EXD3: variants seen among roughly 807,000 people sequenced by gnomAD.
EXD3 encodes the protein exonuclease mut-7 homolog.
Under a neutral mutation model 98.0 loss-of-function variants are expected in EXD3, and 92 were observed. The observed-to-expected ratio is 0.94, with a 90% confidence interval of 0.79 to 1.12. The LOEUF is 1.12. Among genes scored for constraint, EXD3 ranks in the 50% most tolerant of loss-of-function variants. The pLI is 0.00. For synonymous variants in EXD3, 569 were observed against 526.0 expected (o/e 1.08, Z -1.12); for missense variants, 1,222 against 1,191.6 (o/e 1.03, Z -0.38).
chr9:137,355,693 G>GGAGGAA (rs1564509196), intron 8 of EXD3, among the ~76,000 whole-genome samples: 4 of 40,538 alleles, frequency 9.9e-5, no homozygotes, highest in Non-Finnish European at 1.3e-4. Context: ...GAAGGAGAAA[G>GGAGGAA]GGAGGAAGGA....
At chr9:137,396,232 T>A (rs1264629302) in intron 1 of EXD3, among the ~76,000 whole-genome samples, 2 of 152,110 alleles carry the variant, frequency 1.3e-5, no homozygotes, top group African/African-American at 4.8e-5. Flanking sequence ...CCTCCCAAAG[T>A]GCTGGGACTA....
intron 9 of EXD3, 100 bp from the exon 10 acceptor site, chr9:137,354,477 G>T: frequency 6.4e-7 from 1 of 1,574,470 alleles, no homozygotes. Context: ...GTACATCCTT[G>T]GCAGAGCCCA....
intron 17 of EXD3, among the ~76,000 whole-genome samples, chr9:137,345,525 A>T: frequency 6.6e-6 from 1 of 151,998 alleles, no homozygotes; most frequent in East Asian, 1.9e-4. Context: ...AGTTGGGTGT[A>T]GTGGCGAGCA....
chr9:137,373,170 A>G, intron 4 of EXD3, 98 bp from the exon 5 acceptor site: 1 of 1,398,466 alleles, frequency 7.2e-7, no homozygotes. Context: ...AGCGCCTGCC[A>G]CTGTGGCCAT....
intron 2 of EXD3, among the ~76,000 whole-genome samples, chr9:137,384,686 A>G (rs1185489716): frequency 6.6e-6 from 1 of 152,270 alleles, no homozygotes; most frequent in African/African-American, 2.4e-5. Flanking sequence ...TGGGTTCGGC[A>G]TCAATGCTCA....
At chr9:137,337,875 C>T (rs1434066488) in intron 17 of EXD3, among the ~76,000 whole-genome samples, 1 of 151,800 alleles carries the variant, frequency 6.6e-6, no homozygotes, top group Admixed American at 6.6e-5. Context: ...GCAAGCTCCA[C>T]CTCCCGGGTT....
In EXD3 at chr9:137,341,695, G is replaced by A. The variant is rs1389322230; in HGVS notation, c.1998+6376C>T. On this transcript the variant is annotated intron_variant, in intron 17 of 21. Coordinates refer to ENST00000340951, the MANE Select transcript of EXD3 (RefSeq NM_017820.5). ...AAACGGGGCTCAGGCACCAGGAGCC[G>A]TCTCCCAGGAGTCAGAGGAAACGGG... 7.6e-4 allele frequency among the ~76,000 whole-genome samples: 37 copies of A among 48,484 alleles called. 1 individual carries two copies. The South Asian group carries it at 8.2e-3, about 11-fold the overall frequency. 31.8% of individuals were successfully genotyped at this position (48,484 alleles called of 152,430 possible). A position where few individuals can be genotyped will look rare whatever the true frequency, so the allele number is the denominator to read the frequency against.
rs1157272015 is a variant in EXD3 at position 137,395,632 on chromosome 9, C to T, written c.-47-228G>A. Among the ~76,000 whole-genome samples, 1 of 150,574 alleles carries T rather than the reference C, an allele frequency of 6.6e-6. No individual in the cohort carries two copies. The highest frequency in any genetic ancestry group is 1.5e-5 in the Non-Finnish European group (1 of 67,608). On this transcript the variant is annotated intron_variant, in intron 1 of 21. Transcript: ENST00000340951. The surrounding 1 kb of genome is among the most constrained non-coding windows in gnomAD (Gnocchi z 6.5). Reference sequence around the variant, plus strand: ...CCAGTTCCCTGCCAAACCGTCCCAGCTTTCAGCAGGGAGGGCAGGGGGTGG... The same window carrying T: ...CCAGTTCCCTGCCAAACCGTCCCAGTTTTCAGCAGGGAGGGCAGGGGGTGG...
At chr9:137,376,071 A>G (rs1042999213) in intron 3 of EXD3, among the ~76,000 whole-genome samples, 2 of 152,058 alleles carry the variant, frequency 1.3e-5, no homozygotes, top group Admixed American at 6.6e-5. Flanking sequence ...GTGGCCAGGC[A>G]CGGTGGCTCA....
At chr9:137,367,783 TA>T (rs1171559539) in intron 6 of EXD3, 152 bp downstream of exon 6, 4 of 671,874 alleles carry the variant, frequency 6.0e-6, no homozygotes, top group East Asian at 2.8e-5. Flanking sequence ...GATGGTGGTT[TA>T]GGGGGCTCTG....
chr9:137,356,252 TG>T lies in EXD3; in HGVS notation c.757+15del. On this transcript the variant is annotated intron_variant, in intron 8 of 21. Coordinates refer to ENST00000340951, the MANE Select transcript of EXD3 (RefSeq NM_017820.5). ...CTCCCTGGCCTGTGGGGCAGGAATGTGGGGGCTGGACTCACCTGGGGCTACG... is the reference window on the plus strand; with the variant it reads ...CTCCCTGGCCTGTGGGGCAGGAATGTGGGGCTGGACTCACCTGGGGCTACG... 2 of 1,578,050 alleles carry T rather than the reference TG, an allele frequency of 1.3e-6. No homozygotes were observed.
intron 7 of EXD3, chr9:137,365,868 TATAC>T: frequency 2.9e-6 from 1 of 341,556 alleles, no homozygotes; most frequent in South Asian, 2.1e-5. Context: ...CACACACAGA[TATAC>T]ATGCACACAC....
chr9:137,409,432 A>G (rs1837889383), intron 1 of EXD3, among the ~76,000 whole-genome samples: 1 of 152,190 alleles, frequency 6.6e-6, no homozygotes, highest in South Asian at 2.1e-4. Context: ...TTAACAGAAA[A>G]CTGGCCCGGC....
chr9:137,382,116 TGGAGGTGAGG>T (rs1564194752), intron 3 of EXD3, among the ~76,000 whole-genome samples: 13 of 25,106 alleles, frequency 5.2e-4, no homozygotes, highest in African/African-American at 1.4e-3. Flanking sequence ...AGGGCGGCGG[TGGAGGTGAGG>T]GCGCGGGGAG....
rs1374398024 is a variant in EXD3, at chr9:137,324,925, C to T, written c.1999-782G>A. On this transcript the variant is annotated intron_variant, in intron 17 of 21. Coordinates refer to ENST00000340951, the MANE Select transcript of EXD3 (RefSeq NM_017820.5). The surrounding 1 kb of genome is among the most constrained non-coding windows in gnomAD (Gnocchi z 4.1). ...GCCAGGATGGTCTCGATCTCCTGAC[C>T]TCGTGATCTGCCCGCCTCGGCCTCC... Among the ~76,000 whole-genome samples the T allele has an allele frequency of 6.6e-6, 1 of 152,140 alleles. No homozygotes were observed. The highest frequency in any genetic ancestry group is 1.5e-5 in the Non-Finnish European group (1 of 68,036).
At chr9:137,311,905 T>C (rs1831379985) in intron 19 of EXD3, among the ~76,000 whole-genome samples, 1 of 152,060 alleles carries the variant, frequency 6.6e-6, no homozygotes, top group Non-Finnish European at 1.5e-5. Context: ...CGTCTTGCCT[T>C]TGGACAGCGA....
At position 137,395,858 on chromosome 9, in the gene EXD3, C is replaced by T. The variant is rs535524250; in HGVS notation, c.-47-454G>A. Among the ~76,000 whole-genome samples, 3 of 152,270 alleles carry T rather than the reference C, an allele frequency of 2.0e-5. No individual in the cohort carries two copies. The highest frequency in any genetic ancestry group is 4.1e-4 in the South Asian group (2 of 4,830). On this transcript the variant is annotated intron_variant, in intron 1 of 21. Coordinates refer to ENST00000340951, the MANE Select transcript of EXD3 (RefSeq NM_017820.5). This position sits in a 1 kb window ranked among gnomAD's most constrained non-coding sequence, Gnocchi z 6.5. ...CAGGGACCTCGGAGTGACGCCCTCA[C>T]GGCTGACCCAGTACGCAGCTCCGTA... is the stretch of plus-strand genomic sequence containing the variant.
chr9:137,356,111 T>C (rs1439559445), intron 8 of EXD3, among the ~76,000 whole-genome samples, 157 bp downstream of exon 8: 2 of 152,200 alleles, frequency 1.3e-5, no homozygotes, highest in African/African-American at 4.8e-5. Flanking sequence ...ACAGCCACTC[T>C]GGCACGAGCT....
intron 2 of EXD3, chr9:137,391,882 C>G (rs1588411599): frequency 6.6e-6 from 1 of 152,252 alleles, no homozygotes; most frequent in Admixed American, 6.5e-5. Context: ...ATGACACAAC[C>G]TCGGATAACT....
Sources: gnomAD v4.1 joint callset for allele counts (sites outside exome capture counted in the v4.1 genomes callset) on GRCh38, gnomAD v4.1.1 for gene constraint, Gnocchi (gnomAD v3.1) non-coding constraint, MANE v1.5 for transcripts, NCBI Gene and HGNC (gene_info 2026-07-23, HGNC 2026-07-21) for gene names.